The following ZNF350 variants were observed in gnomAD, a reference collection of about 807,000 sequenced individuals.
The protein encoded by ZNF350 is zinc finger protein 350.
ZNF350 carries 5 observed loss-of-function variants against 13.1 expected under a neutral mutation model. The observed-to-expected ratio is 0.38, with a 90% CI of 0.20 to 0.80. The LOEUF (loss-of-function observed/expected upper bound fraction) is 0.80, where lower values mean the gene tolerates loss of function less well. Ranked by LOEUF, ZNF350 falls within the 30% of genes least tolerant of loss-of-function variation. The pLI is 0.43. For synonymous variants in ZNF350, 199 were observed against 224.2 expected, an observed-to-expected ratio of 0.89 and a Z score of 1.00; for missense variants, 534 against 644.2, an observed-to-expected ratio of 0.83 and a Z score of 1.85.
At position 51,974,480 on chromosome 19, in the gene ZNF350, A is replaced by C; in HGVS notation, c.-120T>G. The C allele has an allele frequency of 8.5e-7, 1 of 1,178,354 alleles. No individual in the cohort carries two copies. Among genetic ancestry groups the C allele is most frequent in the Non-Finnish European group, 1.2e-6 (1 of 805,960 alleles). The allele number at this position is 1,178,354 out of a possible 1,614,324, so 73.0% of individuals were successfully genotyped here. On this transcript the variant is annotated 5_prime_UTR_variant, in exon 2 of 5. Transcript: ENST00000243644. ...TGCCCCAAGAAATGGTGAACCCCAA[A>C]TCCACTTCCTCCCTCTTCAGGTTAT... is the stretch of plus-strand genomic sequence containing the variant.
Position 51,965,961 on chromosome 19 carries a change from A to G in ZNF350, c.492T>C (p.Phe164=). The G allele has an allele frequency of 1.2e-6, 2 of 1,614,130 alleles. No individual in the cohort carries two copies. Among genetic ancestry groups the G allele is most frequent in the South Asian group, 2.2e-5 (2 of 91,086 alleles). Residue 164 remains phenylalanine (F), a synonymous_variant, in exon 5 of 5, where the codon TTT becomes TTC. Transcript: ENST00000243644. The part of the protein sequence containing the change: ...SVEFTGNGDS[F]LHANHERLHT... ...GAAGTCGTTCATGGTTAGCATGAAG[A>G]AAGGAGTCCCCATTTCCAGTAAACT...
chr19:51,965,855 G>T lies in ZNF350; in HGVS notation c.598C>A (p.Arg200=). ...QFISPKHQKT[R]KLEKHHVCSE... is the part of the protein sequence containing the mutation. ...CACACATGATGCTTCTCTAATTTTC[G>T]TGTTTTCTGATGCTTGGGACTGATG... Residue 200 remains arginine (R), a synonymous_variant, in exon 5 of 5, where the codon CGA becomes AGA. Coordinates refer to ENST00000243644, the MANE Select transcript of ZNF350 (RefSeq NM_021632.4). 1.2e-6 allele frequency: 2 copies of T among 1,614,080 alleles called. No homozygotes were observed. The highest frequency in any genetic ancestry group is 1.7e-6 in the Non-Finnish European group (2 of 1,180,032).
rs76474532 is a variant in ZNF350 at position 51,978,912 on chromosome 19, A to G, written c.-171-4381T>C. ...TATGGAAATCCCCAGAAGGACAACA[A>G]TGGAAAGGCCCGGTAGATTTACTGA... On this transcript the variant is annotated intron_variant, in intron 1 of 4. Transcript: ENST00000243644. Among the ~76,000 whole-genome samples the G allele has an allele frequency of 4.8e-3, 731 of 152,304 alleles. 6 individuals are homozygous for G. Among genetic ancestry groups the G allele is most frequent in the Non-Finnish European group, 7.4e-3 (502 of 68,012 alleles).
At position 51,968,998 on chromosome 19, in the gene ZNF350, T is replaced by C. The variant is rs1402930020; in HGVS notation, c.142+7A>G. 9 of 1,613,858 alleles carry C rather than the reference T, an allele frequency of 5.6e-6. No individual in the cohort carries two copies. The African/African-American group carries it at 1.1e-4, about 19-fold the overall frequency. ...CCCTCTGAGTGACACAGGGCAGCTG[T>C]CCTCACCCACTGCCACCAGGTTGCT... On this transcript the variant is annotated splice_region_variant and intron_variant, in intron 3 of 4. Coordinates refer to ENST00000243644, the MANE Select transcript of ZNF350 (RefSeq NM_021632.4).
chr19:51,973,685 A>G (rs1169451758), intron 2 of ZNF350: 2 of 152,260 alleles, frequency 1.3e-5, no homozygotes, highest in Non-Finnish European at 2.9e-5. Flanking sequence ...CAGTTCAGCT[A>G]TCTGTTCATT....
rs943674715 is a variant in ZNF350, at chr19:51,964,887, A to G, written c.1566T>C (p.Asn522=). The change falls in exon 5 of 5, where the codon AAT becomes AAC. Residue 522 remains asparagine, a synonymous_variant. Transcript: ENST00000243644. ...AVNVVVPSVI[N]YVLFYVTENP ...TTTCTGTAACATAAAATAAGACATAATTGATCACGGAAGGCACAACCACAT... is the reference window on the plus strand; with the variant it reads ...TTTCTGTAACATAAAATAAGACATAGTTGATCACGGAAGGCACAACCACAT... 2 of 1,612,752 alleles carry G rather than the reference A, an allele frequency of 1.2e-6. No homozygotes were observed. The highest frequency in any genetic ancestry group is 4.5e-5 in the East Asian group (2 of 44,834).
In ZNF350 at chr19:51,985,482, G is replaced by C. The variant is rs548393972; in HGVS notation, c.-172+1288C>G. On this transcript the variant is annotated intron_variant, in intron 1 of 4. Coordinates refer to ENST00000243644, the MANE Select transcript of ZNF350 (RefSeq NM_021632.4). The stretch of plus-strand genomic sequence containing the variant: ...ATGCTCCCTCAGAAACTCCCAGGCA[G>C]ATTTTCACATACATAGTTGGCTAGA... Among the ~76,000 whole-genome samples the C allele has an allele frequency of 2.0e-5, 3 of 152,314 alleles. 1 individual carries two copies. In the South Asian group the frequency reaches 6.2e-4, roughly 32 times the overall value.
intron 1 of ZNF350, chr19:51,980,859 G>T (rs2086016145): frequency 6.6e-6 from 1 of 152,168 alleles, no homozygotes; most frequent in Admixed American, 6.5e-5. Flanking sequence ...CCTATCTAAG[G>T]CACCACATTA....
chr19:51,975,338 AGAATTGCTT>A (rs1423847594), intron 1 of ZNF350, among the ~76,000 whole-genome samples: 11 of 150,554 alleles, frequency 7.3e-5, no homozygotes, highest in African/African-American at 2.7e-4. Flanking sequence ...CTGAGGCAGA[AGAATTGCTT>A]GAATCCGGGA....
intron 1 of ZNF350, among the ~76,000 whole-genome samples, chr19:51,979,465 G>C (rs1417817700): frequency 6.6e-6 from 1 of 152,144 alleles, no homozygotes; most frequent in Non-Finnish European, 1.5e-5. Context: ...CACTCCACTG[G>C]AAGGACTCCC....
intron 1 of ZNF350, among the ~76,000 whole-genome samples, chr19:51,981,635 CAG>C (rs902820036): frequency 6.6e-6 from 1 of 152,164 alleles, no homozygotes; most frequent in African/African-American, 2.4e-5. Flanking sequence ...CAATATGCCA[CAG>C]AGAGAGTAAC....
rs1599929557 is a variant in ZNF350 at position 51,968,133 on chromosome 19, T to C, written c.238+445A>G. On this transcript the variant is annotated intron_variant, in intron 4 of 4. Transcript: ENST00000243644. ...GGCACAGCGAAAGTCCAGTTTACCC[T>C]GAGGAAGCCACATCCATCACAGGGG... Among the ~76,000 whole-genome samples the C allele has an allele frequency of 2.6e-5, 4 of 152,072 alleles. No individual in the cohort carries two copies. The East Asian group carries it at 7.7e-4, about 29-fold the overall frequency.
At position 51,965,692 on chromosome 19, in the gene ZNF350, C is replaced by T. The variant is rs138981906; in HGVS notation, c.761G>A (p.Arg254Gln). 56 of 1,614,026 alleles carry T rather than the reference C, an allele frequency of 3.5e-5. No individual in the cohort carries two copies. Among genetic ancestry groups the T allele is most frequent in the African/African-American group, 1.2e-4 (9 of 74,898 alleles). The change falls in exon 5 of 5, where the codon CGA (arginine) becomes CAA (glutamine). Residue 254 changes from arginine (R) to glutamine (Q), a missense_variant. Transcript: ENST00000243644. ...SRKFMLTEHQ[R>Q]THTGEKPYEC... Reference sequence around the variant, plus strand: ...ATAAGGTTTTTCTCCTGTATGAGTTCGCTGATGTTCAGTAAGCATGAACTT... The same window carrying T: ...ATAAGGTTTTTCTCCTGTATGAGTTTGCTGATGTTCAGTAAGCATGAACTT...
Position 51,969,130 on chromosome 19 carries a change from T to C in ZNF350, c.17A>G (p.Glu6Gly). ...AGCCACATCCTCCAGTGTTATGGATTCCTGTAATAACAGTCCTGTTTAATA... is the reference window on the plus strand; with the variant it reads ...AGCCACATCCTCCAGTGTTATGGATCCCTGTAATAACAGTCCTGTTTAATA... MIQAQ[E>G]SITLEDVAVD... Residue 6 changes from glutamate to glycine, a missense_variant and splice_region_variant, in exon 3 of 5, where the codon GAA becomes GGA. Glu to Gly is a moderately conservative substitution (Grantham distance 98). Transcript: ENST00000243644. 6.2e-7 allele frequency: 1 copy of C among 1,613,740 alleles called. No individual in the cohort carries two copies. The highest frequency in any genetic ancestry group is 8.5e-7 in the Non-Finnish European group (1 of 1,179,770).
In ZNF350 at chr19:51,976,309, G is replaced by A. The variant is rs1246235994; in HGVS notation, c.-171-1778C>T. ...TAAAGCTCAGGGCCCTTGTCCCCTA[G>A]AGGCAAAGCGCCCCCGATCCCTTCT... On this transcript the variant is annotated intron_variant, in intron 1 of 4. Coordinates refer to ENST00000243644, the MANE Select transcript of ZNF350 (RefSeq NM_021632.4). The surrounding 1 kb of genome is among the most constrained non-coding windows in gnomAD (Gnocchi z 4.5). 1 of 152,234 alleles carries A rather than the reference G, an allele frequency of 6.6e-6. No individual in the cohort carries two copies. The highest frequency in any genetic ancestry group is 1.5e-5 in the Non-Finnish European group (1 of 68,080). The allele number at this position is 152,234 out of a possible 1,614,324, so 9.4% of individuals were successfully genotyped here. A position where few individuals can be genotyped will look rare whatever the true frequency, so the allele number is the denominator to read the frequency against.
intron 1 of ZNF350, among the ~76,000 whole-genome samples, chr19:51,983,634 G>A (rs2086105342): frequency 1.3e-5 from 2 of 152,058 alleles, no homozygotes. Flanking sequence ...ACACATCAAG[G>A]CACAGGACCT....
chr19:51,965,659 G>C lies in ZNF350; in HGVS notation c.794C>G (p.Pro265Arg), dbSNP rs1175397516. Residue 265 changes from proline to arginine, a missense_variant, in exon 5 of 5, where the codon CCT (proline) becomes CGT (arginine). Physicochemically the swap from Pro to Arg is moderately radical, Grantham distance 103 (BLOSUM62 -2). Coordinates refer to ENST00000243644, the MANE Select transcript of ZNF350 (RefSeq NM_021632.4). Reference protein sequence around the residue: ...THTGEKPYECPECGKAFLKKS... With the variant: ...THTGEKPYECRECGKAFLKKS... Reference sequence around the variant, plus strand: ...CTTGAGAAAGGCTTTGCCACATTCAGGGCATTCATAAGGTTTTTCTCCTGT... The same window carrying C: ...CTTGAGAAAGGCTTTGCCACATTCACGGCATTCATAAGGTTTTTCTCCTGT... 5 of 1,613,986 alleles carry C rather than the reference G, an allele frequency of 3.1e-6. No homozygotes were observed. In the African/African-American group the frequency reaches 4.0e-5, roughly 13 times the overall value.
rs753019606 is a variant in ZNF350, at chr19:51,964,914, C to G, written c.1539G>C (p.Val513=). Residue 513 remains valine, a synonymous_variant, in exon 5 of 5, where the codon GTG becomes GTC. Transcript: ENST00000243644. ...FAQDRNLVNA[V]NVVVPSVINY... ...TGATCACGGAAGGCACAACCACATT[C>G]ACTGCATTCACAAGGTTTCTGTCCT... 25 of 1,614,068 alleles carry G rather than the reference C, an allele frequency of 1.5e-5. No homozygotes were observed. Among genetic ancestry groups the G allele is most frequent in the Non-Finnish European group, 2.1e-5 (25 of 1,180,018 alleles).
Position 51,983,555 on chromosome 19 carries a change from C to A in ZNF350, c.-172+3215G>T, listed in dbSNP as rs531266211. On this transcript the variant is annotated intron_variant, in intron 1 of 4. Transcript: ENST00000243644. ...ACCTTATAACTAAAGGTGAGACATA[C>A]TGGCGGCAATACTACTCTTTACTAC... Among the ~76,000 whole-genome samples the A allele has an allele frequency of 5.0e-3, 756 of 152,316 alleles. 4 individuals carry two copies. The highest frequency in any genetic ancestry group is 8.1e-3 in the Non-Finnish European group (550 of 68,030).
Sources: gnomAD v4.1 joint callset for allele counts (sites outside exome capture counted in the v4.1 genomes callset) on GRCh38, gnomAD v4.1.1 for gene constraint, Gnocchi (gnomAD v3.1) non-coding constraint, MANE v1.5 for transcripts, NCBI Gene and HGNC (gene_info 2026-07-23, HGNC 2026-07-21) for gene names.